The following RIMS1 variants were observed in gnomAD, a reference collection of about 807,000 sequenced individuals.
RIMS1 encodes the protein regulating synaptic membrane exocytosis protein 1.
A neutral mutation model predicts 214.1 loss-of-function variants in RIMS1; 83 were observed. The ratio of observed to expected loss-of-function variants is 0.39; its 90% CI spans 0.32 to 0.47. RIMS1 has a LOEUF of 0.47. Ranked by LOEUF, RIMS1 falls within the 20% of genes least tolerant of loss-of-function variation. The pLI is 0.99. For missense variants in RIMS1, 2,050 were observed against 2,161.8 expected (o/e 0.95, Z 1.03); for synonymous variants, 793 against 786.8 (o/e 1.01, Z -0.13).
intron 1 of RIMS1, among the ~76,000 whole-genome samples, chr6:71,910,262 TA>T (rs1292255290): frequency 6.6e-6 from 1 of 152,152 alleles, no homozygotes; most frequent in African/African-American, 2.4e-5. Context: ...CTCTGCATTT[TA>T]AAAATATATT....
rs571664879 is a variant in RIMS1 at position 72,109,779 on chromosome 6, G to A, written c.471+9793G>A. Among the ~76,000 whole-genome samples the A allele has an allele frequency of 1.2e-3, 178 of 152,224 alleles. 1 individual carries two copies. Among genetic ancestry groups the A allele is most frequent in the African/African-American group, 4.1e-3 (171 of 41,534 alleles). On this transcript the variant is annotated intron_variant, in intron 4 of 33. Coordinates refer to ENST00000521978, the MANE Select transcript of RIMS1 (RefSeq NM_014989.7). ...TTTTAGACATGAAGTCCTTGCCCAT[G>A]CCTGTGTCCTGAATGGTAATGCCTA...
chr6:71,939,436 T>C (rs1283783504), intron 1 of RIMS1, among the ~76,000 whole-genome samples: 1 of 152,206 alleles, frequency 6.6e-6, no homozygotes, highest in Non-Finnish European at 1.5e-5. Context: ...TTTTCAGATA[T>C]TTGTTATAGC....
intron 22 of RIMS1, 28 bp from the exon 23 acceptor site, chr6:72,274,321 T>C: frequency 6.5e-7 from 1 of 1,538,280 alleles, no homozygotes; most frequent in Non-Finnish European, 9.0e-7. Flanking sequence ...TGTCCTGTTT[T>C]TTCCTGTCTT....
At chr6:72,339,703 G>C (rs2096979913) in intron 29 of RIMS1, among the ~76,000 whole-genome samples, 1 of 151,976 alleles carries the variant, frequency 6.6e-6, no homozygotes, top group Admixed American at 6.6e-5. Context: ...ATTTGGGTTG[G>C]TTCCAAGTCT....
intron 2 of RIMS1, among the ~76,000 whole-genome samples, chr6:72,065,274 T>C (rs549390838): frequency 6.6e-6 from 1 of 152,298 alleles, no homozygotes; most frequent in South Asian, 2.1e-4. Context: ...TGCACTTGTA[T>C]TACCAGTAAC....
At chr6:71,981,893 T>C (rs2151486531) in intron 2 of RIMS1, among the ~76,000 whole-genome samples, 1 of 152,266 alleles carries the variant, frequency 6.6e-6, no homozygotes, top group East Asian at 1.9e-4. Context: ...ATTGGTGTAC[T>C]ATAATGCATA....
intron 19 of RIMS1, chr6:72,261,619 A>G (rs1025964030): frequency 3.0e-6 from 3 of 984,932 alleles, no homozygotes; most frequent in Non-Finnish European, 2.4e-6. Context: ...TCGAACTCAA[A>G]TATTTTAGCC....
chr6:72,219,211 T>C (rs1232031949), intron 6 of RIMS1, among the ~76,000 whole-genome samples: 2 of 152,202 alleles, frequency 1.3e-5, no homozygotes, highest in East Asian at 3.8e-4. Context: ...AGCATGTCAA[T>C]TTATCAAAGA....
intron 4 of RIMS1, 68 bp downstream of exon 4, chr6:72,100,054 T>C: frequency 2.5e-6 from 3 of 1,207,558 alleles, no homozygotes; most frequent in Non-Finnish European, 3.7e-6. Flanking sequence ...AAGTGAATGT[T>C]GCACCTAGTA....
intron 28 of RIMS1, among the ~76,000 whole-genome samples, chr6:72,326,424 C>G (rs1304271049): frequency 6.6e-6 from 1 of 151,822 alleles, no homozygotes; most frequent in Non-Finnish European, 1.5e-5. Flanking sequence ...CCCATCACTT[C>G]TGTATCTATA....
chr6:72,220,872 GCAGA>G (rs1279964946), intron 6 of RIMS1, among the ~76,000 whole-genome samples: 1 of 152,004 alleles, frequency 6.6e-6, no homozygotes, highest in Non-Finnish European at 1.5e-5. Flanking sequence ...TTTGTTTTAG[GCAGA>G]CATTTAGTTA....
intron 2 of RIMS1, among the ~76,000 whole-genome samples, chr6:72,043,533 T>G (rs908238936): frequency 6.6e-6 from 1 of 151,778 alleles, no homozygotes; most frequent in Non-Finnish European, 1.5e-5. Flanking sequence ...TTCATTGACT[T>G]TTTATCTTCT....
chr6:72,102,777 G>T (rs1474064995), intron 4 of RIMS1, among the ~76,000 whole-genome samples: 1 of 152,044 alleles, frequency 6.6e-6, no homozygotes, highest in Admixed American at 6.5e-5. Context: ...GTGATGATTT[G>T]TTTCTTTCTC....
chr6:71,938,651 G>A (rs1785165484), intron 1 of RIMS1, among the ~76,000 whole-genome samples: 1 of 152,102 alleles, frequency 6.6e-6, no homozygotes, highest in Non-Finnish European at 1.5e-5. Flanking sequence ...AGGTGGCTCT[G>A]GGGAGTGAAC....
At chr6:72,293,717 T>A (rs1347724808) in intron 26 of RIMS1, among the ~76,000 whole-genome samples, 1 of 151,868 alleles carries the variant, frequency 6.6e-6, no homozygotes, top group Non-Finnish European at 1.5e-5. Context: ...GAAATAAGAA[T>A]TCCTTCCACA....
chr6:71,929,134 C>G (rs1782363083), intron 1 of RIMS1, among the ~76,000 whole-genome samples: 1 of 152,092 alleles, frequency 6.6e-6, no homozygotes, highest in Non-Finnish European at 1.5e-5. Flanking sequence ...TTCTGTTTTT[C>G]TACATCATTA....
intron 5 of RIMS1, among the ~76,000 whole-genome samples, chr6:72,180,287 T>C (rs2048237351): frequency 6.6e-6 from 1 of 152,204 alleles, no homozygotes; most frequent in South Asian, 2.1e-4. Flanking sequence ...AGAAAGTATG[T>C]GGACACATCA....
At chr6:72,212,925 G>A in intron 6 of RIMS1, 1 of 1,368,614 alleles carries the variant, frequency 7.3e-7, no homozygotes, top group Non-Finnish European at 9.4e-7. Flanking sequence ...AGTCAGTCAT[G>A]CAAGGAGACT....
chr6:72,061,193 A>C (rs1411240202), intron 2 of RIMS1, among the ~76,000 whole-genome samples: 1 of 152,196 alleles, frequency 6.6e-6, no homozygotes, highest in Non-Finnish European at 1.5e-5. Flanking sequence ...TACTAAAATA[A>C]TTCAGAAGGA....
Sources: allele counts gnomAD v4.1 joint callset (sites outside exome capture counted in the v4.1 genomes callset), GRCh38; gene constraint gnomAD v4.1.1; transcripts MANE v1.5; gene names NCBI Gene and HGNC (gene_info 2026-07-23, HGNC 2026-07-21).